HTR4: variants seen among roughly 807,000 people sequenced by gnomAD.
HTR4 encodes the protein 5-hydroxytryptamine receptor 4, also known as 5-hydroxytryptamine (serotonin) receptor 4, G protein-coupled.
Under a neutral mutation model 36.8 loss-of-function variants are expected in HTR4, and 16 were observed. The ratio of observed to expected loss-of-function variants is 0.43; its 90% CI spans 0.29 to 0.66. The LOEUF (loss-of-function observed/expected upper bound fraction) is 0.66, where lower values mean the gene tolerates loss of function less well. HTR4 is among the 30% of genes least tolerant of loss of function. HTR4 has a pLI of 0.13. For synonymous variants in HTR4, 189 were observed against 185.1 expected, an observed-to-expected ratio of 1.02 and a Z score of -0.17; for missense variants, 438 against 490.9, an observed-to-expected ratio of 0.89 and a Z score of 1.02.
chr5:148,537,049 C>T lies in HTR4; in HGVS notation c.353+11619G>A, dbSNP rs118042358. On this transcript the variant is annotated intron_variant, in intron 4 of 6. Coordinates refer to ENST00000377888, the MANE Select transcript of HTR4 (RefSeq NM_000870.7). The stretch of plus-strand genomic sequence containing the variant: ...TCATATCAAACACACTTTCAGACCA[C>T]GATGCAATAAAAACAGAAGTCAAGG... Among the ~76,000 whole-genome samples the T allele has an allele frequency of 2.5e-3, 376 of 152,110 alleles. 13 individuals are homozygous for T. The East Asian group carries it at 0.04, about 16-fold the overall frequency.
chr5:148,573,611 A>G (rs1760767226), intron 2 of HTR4, among the ~76,000 whole-genome samples: 1 of 152,200 alleles, frequency 6.6e-6, no homozygotes, highest in South Asian at 2.1e-4. Flanking sequence ...TCACCCAACT[A>G]TAAGGAGGAT....
intron 5 of HTR4, among the ~76,000 whole-genome samples, chr5:148,521,692 C>T (rs1169204725): frequency 2.0e-5 from 3 of 152,054 alleles, no homozygotes; most frequent in Non-Finnish European, 4.4e-5. Context: ...AGAACCAATA[C>T]ACAGGGATCG....
intron 6 of HTR4, among the ~76,000 whole-genome samples, chr5:148,491,785 T>C (rs1406148614): frequency 6.6e-6 from 1 of 152,156 alleles, no homozygotes; most frequent in Non-Finnish European, 1.5e-5. Context: ...TTTATTGGTG[T>C]TGGGAGAGGT....
chr5:148,561,569 A>C (rs1760213689), intron 2 of HTR4, among the ~76,000 whole-genome samples: 1 of 152,208 alleles, frequency 6.6e-6, no homozygotes, highest in African/African-American at 2.4e-5. Flanking sequence ...TTTCTTTACA[A>C]GATCATTTTT....
chr5:148,636,529 C>A (rs188858238), intron 2 of HTR4, among the ~76,000 whole-genome samples: 1 of 152,198 alleles, frequency 6.6e-6, no homozygotes, highest in East Asian at 1.9e-4. Context: ...AAACAAAAAC[C>A]ATTTAGCTTT....
intron 2 of HTR4, among the ~76,000 whole-genome samples, chr5:148,564,566 T>G (rs767751993): frequency 6.6e-6 from 1 of 152,140 alleles, no homozygotes; most frequent in Non-Finnish European, 1.5e-5. Context: ...ACAAAGGGAT[T>G]TCCCCCTTCA....
Position 148,594,818 on chromosome 5 carries a change from A to G in HTR4, c.26+42171T>C, listed in dbSNP as rs140313699. On this transcript the variant is annotated intron_variant, in intron 2 of 6. Transcript: ENST00000377888. The stretch of plus-strand genomic sequence containing the variant: ...TAAGTCTCCATGAAGTTCTATGGCT[A>G]TGACTCTTATTTTTTACAATAAGTT... 5.3e-5 allele frequency among the ~76,000 whole-genome samples: 8 copies of G among 152,320 alleles called. No individual in the cohort carries two copies. In the East Asian group the frequency reaches 1.2e-3, roughly 22 times the overall value.
chr5:148,623,020 T>C (rs575492854), intron 2 of HTR4, among the ~76,000 whole-genome samples: 1 of 151,516 alleles, frequency 6.6e-6, no homozygotes, highest in African/African-American at 2.4e-5. Context: ...AAAGAAGGGG[T>C]AGAAAATATG....
At chr5:148,627,391 G>A (rs372280207) in intron 2 of HTR4, among the ~76,000 whole-genome samples, 14 of 152,072 alleles carry the variant, frequency 9.2e-5, no homozygotes, top group East Asian at 5.8e-4. Flanking sequence ...TTCCACATAC[G>A]CTTTTTCTGG....
intron 2 of HTR4, among the ~76,000 whole-genome samples, chr5:148,611,811 C>A (rs1367693476): frequency 7.3e-5 from 11 of 150,174 alleles, no homozygotes; most frequent in Admixed American, 5.9e-4. Flanking sequence ...CACATAGGCT[C>A]AAAATAAAAG....
chr5:148,500,366 G>A (rs138176967), intron 6 of HTR4, among the ~76,000 whole-genome samples: 1 of 152,178 alleles, frequency 6.6e-6, no homozygotes, highest in African/African-American at 2.4e-5. Context: ...CCAACAGTTT[G>A]AGGCCAGAGA....
At chr5:148,514,011 A>G (rs942448355) in intron 5 of HTR4, among the ~76,000 whole-genome samples, 2 of 152,176 alleles carry the variant, frequency 1.3e-5, no homozygotes, top group Admixed American at 6.5e-5. Context: ...TCATCTTTAC[A>G]TTCTTTTGAA....
chr5:148,511,644 T>C (rs1381173546), intron 5 of HTR4, among the ~76,000 whole-genome samples: 2 of 151,870 alleles, frequency 1.3e-5, no homozygotes, highest in African/African-American at 4.8e-5. Context: ...TGTGTGTGTG[T>C]GTGTGTGTGT....
intron 1 of HTR4, among the ~76,000 whole-genome samples, chr5:148,638,075 C>A (rs1344558684): frequency 1.3e-5 from 2 of 152,206 alleles, no homozygotes. Flanking sequence ...TGAAACTCAG[C>A]CTGGGCCCTT....
intron 2 of HTR4, among the ~76,000 whole-genome samples, chr5:148,622,049 G>C (rs76214866): frequency 0.018 from 2,690 of 152,228 alleles, 76 homozygotes; most frequent in African/African-American, 0.061. Context: ...AATGCATCCT[G>C]ATGTTTCTGA....
intron 5 of HTR4, among the ~76,000 whole-genome samples, chr5:148,459,238 G>A (rs574339423): frequency 5.3e-5 from 8 of 152,098 alleles, no homozygotes; most frequent in Admixed American, 2.6e-4. Flanking sequence ...GAACTCGAGG[G>A]GGGAGGGCAA....
intron 2 of HTR4, among the ~76,000 whole-genome samples, chr5:148,559,482 G>T (rs1760095354): frequency 1.3e-5 from 2 of 152,050 alleles, no homozygotes; most frequent in Non-Finnish European, 2.9e-5. Context: ...TGAGTATGTT[G>T]TTTTTCCTTA....
intron 2 of HTR4, among the ~76,000 whole-genome samples, chr5:148,557,463 G>A (rs192500728): frequency 3.9e-5 from 6 of 152,268 alleles, no homozygotes; most frequent in East Asian, 1.9e-4. Flanking sequence ...GAGTGAAGAC[G>A]TCAAGTAGGC....
At chr5:148,605,353 G>T (rs1157599474) in intron 2 of HTR4, among the ~76,000 whole-genome samples, 2 of 145,336 alleles carry the variant, frequency 1.4e-5, no homozygotes, top group Admixed American at 1.4e-4. Context: ...CCGCCTCCCA[G>T]GTTCAAGCGA....
Sources: gnomAD v4.1 joint callset for allele counts (sites outside exome capture counted in the v4.1 genomes callset) on GRCh38, gnomAD v4.1.1 for gene constraint, MANE v1.5 for transcripts, NCBI Gene and HGNC (gene_info 2026-07-23, HGNC 2026-07-21) for gene names.